BMP6: variants seen among roughly 807,000 people sequenced by gnomAD.
BMP6 encodes VG-1-R.
A neutral mutation model predicts 54.1 loss-of-function variants in BMP6; 17 were observed. That is an observed-to-expected ratio of 0.31 (90% confidence interval 0.22 to 0.47). BMP6 has a LOEUF of 0.47. Among genes scored for constraint, BMP6 ranks in the 20% least tolerant of loss-of-function variants. The pLI is 1.00. For missense variants in BMP6, 720 were observed against 690.4 expected, an observed-to-expected ratio of 1.04 and a Z score of -0.48; for synonymous variants, 328 against 291.2, an observed-to-expected ratio of 1.13 and a Z score of -1.28.
intron 1 of BMP6, among the ~76,000 whole-genome samples, chr6:7,811,531 G>C (rs1313467854): frequency 1.3e-5 from 2 of 152,196 alleles, no homozygotes; most frequent in Non-Finnish European, 2.9e-5. Flanking sequence ...AGCATTTTCA[G>C]TCGGCAATTC....
intron 1 of BMP6, among the ~76,000 whole-genome samples, chr6:7,780,744 C>T (rs9505280): frequency 0.091 from 13,807 of 151,868 alleles, 2,019 homozygotes; most frequent in African/African-American, 0.31. Context: ...GACAGTCTCA[C>T]TCTGTTGCCC....
intron 1 of BMP6, among the ~76,000 whole-genome samples, chr6:7,813,385 G>T (rs1758469182): frequency 7.7e-6 from 1 of 130,552 alleles, no homozygotes; most frequent in Non-Finnish European, 1.5e-5. Flanking sequence ...ACTTTTGGAG[G>T]CCAAGGCAAG....
At chr6:7,873,217 C>A (rs1264031833) in intron 4 of BMP6, among the ~76,000 whole-genome samples, 2 of 152,224 alleles carry the variant, frequency 1.3e-5, no homozygotes, top group Non-Finnish European at 2.9e-5. Flanking sequence ...GTCCACAGGG[C>A]AGCCATGCTT....
chr6:7,773,511 C>G (rs1048081867), intron 1 of BMP6, among the ~76,000 whole-genome samples: 1 of 152,162 alleles, frequency 6.6e-6, no homozygotes, highest in African/African-American at 2.4e-5. Context: ...AAGCCAGTCT[C>G]TATGTCATGC....
At chr6:7,787,346 A>T (rs916651893) in intron 1 of BMP6, among the ~76,000 whole-genome samples, 1 of 152,190 alleles carries the variant, frequency 6.6e-6, no homozygotes, top group Non-Finnish European at 1.5e-5. Flanking sequence ...GTTATCAAGT[A>T]TTTAGGGATG....
intron 1 of BMP6, among the ~76,000 whole-genome samples, chr6:7,796,800 G>A (rs1758197526): frequency 6.6e-6 from 1 of 152,246 alleles, no homozygotes; most frequent in South Asian, 2.1e-4. Context: ...AACAAAAGAA[G>A]GTTGCTGTAT....
At chr6:7,856,073 C>T (rs187874020) in intron 2 of BMP6, among the ~76,000 whole-genome samples, 107 of 135,934 alleles carry the variant, frequency 7.9e-4, no homozygotes, top group African/African-American at 2.9e-3. Flanking sequence ...AACGTCTCTT[C>T]ATACCATGCT....
At chr6:7,775,594 CTG>C (rs373620447) in intron 1 of BMP6, among the ~76,000 whole-genome samples, 31 of 152,322 alleles carry the variant, frequency 2.0e-4, no homozygotes, top group African/African-American at 7.5e-4. Context: ...GCTCATTAGT[CTG>C]TGTGTCCGCC....
chr6:7,852,907 C>T (rs1759168336), intron 2 of BMP6, among the ~76,000 whole-genome samples: 1 of 152,156 alleles, frequency 6.6e-6, no homozygotes, highest in Non-Finnish European at 1.5e-5. Flanking sequence ...TCTATGAGAT[C>T]ACTTTTATGA....
chr6:7,842,908 ATAT>A (rs1758999689), intron 1 of BMP6, among the ~76,000 whole-genome samples: 1 of 152,260 alleles, frequency 6.6e-6, no homozygotes, highest in African/African-American at 2.4e-5. Context: ...GAATCTTAAA[ATAT>A]TATTTTCATT....
chr6:7,868,681 C>G (rs1380676105), intron 4 of BMP6, among the ~76,000 whole-genome samples: 1 of 152,250 alleles, frequency 6.6e-6, no homozygotes, highest in Non-Finnish European at 1.5e-5. Flanking sequence ...CTCAGGAAAG[C>G]TGGGAAATAC....
At chr6:7,772,811 G>T (rs1757810577) in intron 1 of BMP6, among the ~76,000 whole-genome samples, 1 of 152,138 alleles carries the variant, frequency 6.6e-6, no homozygotes, top group African/African-American at 2.4e-5. Flanking sequence ...TGGCTGGCAG[G>T]TGACAGATTC....
intron 1 of BMP6, among the ~76,000 whole-genome samples, chr6:7,825,265 C>G (rs1302812016): frequency 6.6e-6 from 1 of 152,110 alleles, no homozygotes; most frequent in Non-Finnish European, 1.5e-5. Flanking sequence ...CTCAACAGAG[C>G]AAGACCCTAT....
intron 4 of BMP6, among the ~76,000 whole-genome samples, chr6:7,869,169 C>G (rs958104484): frequency 2.0e-5 from 3 of 152,238 alleles, no homozygotes; most frequent in African/African-American, 7.2e-5. Flanking sequence ...GGTGCAGCCT[C>G]CCCGCACAAT....
intron 2 of BMP6, among the ~76,000 whole-genome samples, chr6:7,848,955 TAGAC>T (rs1317426818): frequency 2.0e-5 from 3 of 152,222 alleles, no homozygotes; most frequent in African/African-American, 7.2e-5. Flanking sequence ...CCTTATCAGA[TAGAC>T]AGGGCAGGCA....
chr6:7,783,187 G>A (rs563980477), intron 1 of BMP6, among the ~76,000 whole-genome samples: 222 of 152,314 alleles, frequency 1.5e-3, no homozygotes, highest in Middle Eastern at 6.8e-3. Flanking sequence ...GAGAAGGTGA[G>A]ATCTGAGTGT....
chr6:7,859,759 A>G (rs1268602001), intron 2 of BMP6, among the ~76,000 whole-genome samples: 2 of 152,178 alleles, frequency 1.3e-5, no homozygotes, highest in African/African-American at 4.8e-5. Flanking sequence ...ACACATCCAC[A>G]TCAGAGAGAG....
intron 1 of BMP6, among the ~76,000 whole-genome samples, chr6:7,748,618 G>T (rs115120872): frequency 0.016 from 2,482 of 152,282 alleles, 28 homozygotes; most frequent in Middle Eastern, 0.024. Context: ...TGCCAGTTTG[G>T]AGGACCACAA....
chr6:7,821,744 G>A (rs550321161), intron 1 of BMP6, among the ~76,000 whole-genome samples: 25 of 152,276 alleles, frequency 1.6e-4, no homozygotes, highest in South Asian at 4.2e-4. Flanking sequence ...CAGTAAGATC[G>A]TGCACGTATG....
Sources: gnomAD v4.1 joint callset for allele counts (sites outside exome capture counted in the v4.1 genomes callset) on GRCh38, gnomAD v4.1.1 for gene constraint, MANE v1.5 for transcripts, NCBI Gene and HGNC (gene_info 2026-07-23, HGNC 2026-07-21) for gene names.